The following GRAP2 variants were observed in gnomAD, a reference collection of about 807,000 sequenced individuals.
The protein encoded by GRAP2 is GRB2 related adaptor protein 2, also known as GRB2-related adapter protein 2.
A neutral mutation model predicts 43.5 loss-of-function variants in GRAP2; 31 were observed. That is an observed-to-expected ratio of 0.71 (90% CI 0.54 to 0.96). The LOEUF is 0.96. Ranked by LOEUF, GRAP2 falls within the 40% of genes least tolerant of loss-of-function variation. The pLI, the probability that GRAP2 is intolerant of heterozygous loss-of-function variation, is 0.00. For missense variants in GRAP2, 371 were observed against 424.4 expected (o/e 0.87, Z 1.11); for synonymous variants, 156 against 164.8 (o/e 0.95, Z 0.41).
At chr22:39,969,286 G>A in intron 6 of GRAP2, 125 bp from the exon 7 acceptor site, 1 of 1,106,872 alleles carries the variant, frequency 9.0e-7, no homozygotes, top group South Asian at 1.4e-5. Flanking sequence ...AGGGTTTATT[G>A]TCATTATCAG....
intron 4 of GRAP2, chr22:39,964,594 G>A (rs973443145): frequency 1.2e-5 from 9 of 769,854 alleles, no homozygotes; most frequent in African/African-American, 8.6e-5. Flanking sequence ...CTAAGGAGAC[G>A]GTGACCCTTT....
intron 2 of GRAP2, among the ~76,000 whole-genome samples, chr22:39,953,105 C>G (rs978605586): frequency 7.2e-5 from 11 of 152,154 alleles, no homozygotes; most frequent in Admixed American, 3.9e-4. Flanking sequence ...TTCCCATCTT[C>G]TTTTCTGGGA....
chr22:39,934,053 G>C (rs2066782918), intron 1 of GRAP2, among the ~76,000 whole-genome samples: 1 of 152,170 alleles, frequency 6.6e-6, no homozygotes. Context: ...TAAGTGAAAA[G>C]ATGAGTTTCT....
intron 1 of GRAP2, among the ~76,000 whole-genome samples, chr22:39,924,710 A>G (rs534333366): frequency 1.3e-5 from 2 of 152,348 alleles, no homozygotes; most frequent in South Asian, 2.1e-4. Flanking sequence ...TCAAAAAAAA[A>G]AAGAAGTGAC....
chr22:39,911,431 G>A (rs1338527043), intron 1 of GRAP2, among the ~76,000 whole-genome samples: 2 of 151,312 alleles, frequency 1.3e-5, no homozygotes, highest in African/African-American at 4.9e-5. Flanking sequence ...TTTGTAATAC[G>A]GGACTACAAA....
upstream of GRAP2, among the ~76,000 whole-genome samples, chr22:39,897,123 G>C (rs1016027576): frequency 6.6e-6 from 1 of 152,038 alleles, no homozygotes; most frequent in African/African-American, 2.4e-5. Flanking sequence ...AGCTTCTCCT[G>C]ACCTCCAAAC....
chr22:39,953,974 C>T (rs771924936), intron 2 of GRAP2, among the ~76,000 whole-genome samples: 20 of 152,158 alleles, frequency 1.3e-4, no homozygotes, highest in Non-Finnish European at 1.2e-4. Flanking sequence ...TTTAAGGGCT[C>T]CCCCTACATT....
chr22:39,911,652 G>A (rs1302259576), intron 1 of GRAP2, among the ~76,000 whole-genome samples: 3 of 151,972 alleles, frequency 2.0e-5, no homozygotes, highest in African/African-American at 7.3e-5. Flanking sequence ...CAGGTGCAGG[G>A]AACATCCAAA....
At chr22:39,925,611 T>A (rs887406977) in intron 1 of GRAP2, among the ~76,000 whole-genome samples, 1 of 152,338 alleles carries the variant, frequency 6.6e-6, no homozygotes, top group South Asian at 2.1e-4. Flanking sequence ...CAGATCTTCC[T>A]GTGCTCCAGC....
intron 5 of GRAP2, 124 bp downstream of exon 5, chr22:39,966,282 G>A (rs2067173145): frequency 1.4e-6 from 1 of 721,138 alleles, no homozygotes; most frequent in South Asian, 1.8e-5. Context: ...ACAGAGCTCA[G>A]AGCTCTGAGG....
At chr22:39,928,410 C>T (rs1362131971) in intron 1 of GRAP2, among the ~76,000 whole-genome samples, 2 of 152,226 alleles carry the variant, frequency 1.3e-5, no homozygotes, top group East Asian at 3.8e-4. Flanking sequence ...TTAATATTCT[C>T]TCGTTGGCTT....
chr22:39,941,730 C>G (rs898491499), intron 1 of GRAP2, among the ~76,000 whole-genome samples: 1 of 152,178 alleles, frequency 6.6e-6, no homozygotes, highest in African/African-American at 2.4e-5. Flanking sequence ...TACAAAAACA[C>G]GGCGAGTCAT....
At chr22:39,932,967 T>C (rs1488308350) in intron 1 of GRAP2, among the ~76,000 whole-genome samples, 1 of 152,194 alleles carries the variant, frequency 6.6e-6, no homozygotes, top group Non-Finnish European at 1.5e-5. Context: ...GCAGCCTGAC[T>C]CCAAGGCTCA....
chr22:39,901,065 TC>T, upstream of GRAP2: 1 of 348,088 alleles, frequency 2.9e-6, no homozygotes. Context: ...ATGTGCTAGT[TC>T]CTGTGTGGTT....
chr22:39,927,128 G>C (rs915004559), intron 1 of GRAP2, among the ~76,000 whole-genome samples: 2 of 152,150 alleles, frequency 1.3e-5, no homozygotes, highest in Admixed American at 6.5e-5. Context: ...GAGCTGAAAA[G>C]AGAAGAAAAA....
intron 1 of GRAP2, among the ~76,000 whole-genome samples, chr22:39,904,439 C>T (rs1281474266): frequency 6.6e-6 from 1 of 152,070 alleles, no homozygotes; most frequent in Non-Finnish European, 1.5e-5. Context: ...AATAACTGAA[C>T]ATAAAACATA....
intron 2 of GRAP2, among the ~76,000 whole-genome samples, chr22:39,952,597 T>A (rs1319390320): frequency 6.6e-6 from 1 of 152,130 alleles, no homozygotes; most frequent in African/African-American, 2.4e-5. Context: ...TACCCACATG[T>A]CCTTAGTGAC....
rs529567867 is a variant in GRAP2, at chr22:39,943,376, G to A, written c.-14-3717G>A. ...GCAAGGGTAGAAAAAATCATGTTCA[G>A]GGCAGTCCTGTGTGGCATTACCCTC... On this transcript the variant is annotated intron_variant, in intron 1 of 7. Coordinates refer to ENST00000344138, the MANE Select transcript of GRAP2 (RefSeq NM_004810.4). 3.3e-5 allele frequency among the ~76,000 whole-genome samples: 5 copies of A among 152,288 alleles called. No individual in the cohort carries two copies. In the East Asian group the frequency reaches 9.6e-4, roughly 29 times the overall value.
chr22:39,966,747 G>A (rs187286595), intron 5 of GRAP2, among the ~76,000 whole-genome samples: 19 of 152,316 alleles, frequency 1.2e-4, no homozygotes, highest in African/African-American at 1.9e-4. Context: ...AAGGAAATGC[G>A]TCAGACAGAC....
Sources: allele counts gnomAD v4.1 joint callset (sites outside exome capture counted in the v4.1 genomes callset), GRCh38; gene constraint gnomAD v4.1.1; transcripts MANE v1.5; gene names NCBI Gene and HGNC (gene_info 2026-07-23, HGNC 2026-07-21).